The following ZNF704 variants were observed in gnomAD, a reference collection of about 807,000 sequenced individuals.
ZNF704 encodes zinc finger protein 704.
ZNF704 carries 10 observed loss-of-function variants against 44.7 expected under a neutral mutation model. That is an observed-to-expected ratio of 0.22 (90% CI 0.14 to 0.38). ZNF704 has a LOEUF of 0.38. ZNF704 is among the 10% of genes least tolerant of loss of function. The pLI is 1.00. For missense variants in ZNF704, 390 were observed against 545.5 expected, an observed-to-expected ratio of 0.71 and a Z score of 2.84; for synonymous variants, 211 against 207.6, an observed-to-expected ratio of 1.02 and a Z score of -0.14.
At chr8:80,865,483 C>T (rs888546506) in intron 1 of ZNF704, among the ~76,000 whole-genome samples, 1 of 152,132 alleles carries the variant, frequency 6.6e-6, no homozygotes, top group African/African-American at 2.4e-5. Flanking sequence ...CTCACTGATG[C>T]GCCAACAATG....
At chr8:80,664,621 T>C (rs550316551) in intron 6 of ZNF704, among the ~76,000 whole-genome samples, 194 bp downstream of exon 6, 19 of 152,208 alleles carry the variant, frequency 1.2e-4, no homozygotes, top group Admixed American at 2.0e-4. Flanking sequence ...ACAGGCAGCA[T>C]TGGGCAATCT....
chr8:80,768,406 G>T (rs932327807), intron 2 of ZNF704, among the ~76,000 whole-genome samples: 122 of 152,132 alleles, frequency 8.0e-4, no homozygotes, highest in African/African-American at 2.9e-3. Flanking sequence ...TTGGACACTG[G>T]CAAGTTACTG....
Position 80,639,417 on chromosome 8 carries a change from G to A in ZNF704, c.*1949C>T, listed in dbSNP as rs10755966. On this transcript the variant is annotated 3_prime_UTR_variant, in exon 9 of 9. Coordinates refer to ENST00000327835, the MANE Select transcript of ZNF704 (RefSeq NM_001033723.3). Reference sequence around the variant, plus strand: ...GTAGAGGAAACAAACACATTTCTGCGTTTAAAAAAATGCCATTTCCTGGCT... The same window carrying A: ...GTAGAGGAAACAAACACATTTCTGCATTTAAAAAAATGCCATTTCCTGGCT... 41,319 of 152,052 alleles carry A rather than the reference G, an allele frequency of 0.27. 6,951 individuals are homozygous for A. Among genetic ancestry groups the A allele is most frequent in the East Asian group, 0.39 (1,988 of 5,156 alleles). 9.4% of individuals were successfully genotyped at this position (152,052 alleles called of 1,614,324 possible).
At chr8:80,713,194 ATTGTT>A (rs1166462928) in intron 2 of ZNF704, among the ~76,000 whole-genome samples, 1 of 152,150 alleles carries the variant, frequency 6.6e-6, no homozygotes, top group East Asian at 1.9e-4. Flanking sequence ...CAATTCTTGA[ATTGTT>A]TTGTCACCCT....
At chr8:80,668,739 T>A (rs983015336) in intron 5 of ZNF704, among the ~76,000 whole-genome samples, 3 of 152,200 alleles carry the variant, frequency 2.0e-5, no homozygotes, top group Non-Finnish European at 4.4e-5. Context: ...CGGCATATTT[T>A]CTTCTGGCTT....
intron 2 of ZNF704, among the ~76,000 whole-genome samples, chr8:80,808,881 T>C (rs996387924): frequency 5.3e-5 from 8 of 152,252 alleles, no homozygotes; most frequent in African/African-American, 1.4e-4. Flanking sequence ...TTTTATTCAG[T>C]AGCCTTTGAT....
At chr8:80,819,683 G>C (rs1808236062) in intron 2 of ZNF704, among the ~76,000 whole-genome samples, 1 of 152,040 alleles carries the variant, frequency 6.6e-6, no homozygotes, top group African/African-American at 2.4e-5. Flanking sequence ...TCACAACCAT[G>C]CCACAGTAGA....
At chr8:80,661,103 A>C (rs1818095433) in intron 6 of ZNF704, among the ~76,000 whole-genome samples, 1 of 152,188 alleles carries the variant, frequency 6.6e-6, no homozygotes, top group African/African-American at 2.4e-5. Context: ...AATAGCAAAA[A>C]CCAAATAATT....
chr8:80,867,381 G>A (rs1282937003), intron 1 of ZNF704, among the ~76,000 whole-genome samples: 3 of 152,180 alleles, frequency 2.0e-5, no homozygotes, highest in Admixed American at 2.0e-4. Context: ...CTCTAAGGGA[G>A]TGAGCTGTAG....
At chr8:80,883,074 C>CAAAAAA in the ZNF704 span, among the ~76,000 whole-genome samples, 11 of 43,170 alleles carry the variant, frequency 2.5e-4, no homozygotes, top group African/African-American at 6.9e-4. Flanking sequence ...CCTGTCTCTA[C>CAAAAAA]AAAAAAAAAA....
chr8:80,770,870 A>G (rs1044201041), intron 2 of ZNF704, among the ~76,000 whole-genome samples: 3 of 152,166 alleles, frequency 2.0e-5, no homozygotes, highest in African/African-American at 7.2e-5. Flanking sequence ...TAATTTATGT[A>G]TAAGGTATGA....
intron 2 of ZNF704, among the ~76,000 whole-genome samples, chr8:80,745,726 A>G (rs985409706): frequency 3.9e-5 from 6 of 152,176 alleles, no homozygotes; most frequent in African/African-American, 1.4e-4. Flanking sequence ...AAGAACTTTC[A>G]TATCTTAAAA....
intron 7 of ZNF704, among the ~76,000 whole-genome samples, chr8:80,653,154 T>G (rs1310312958): frequency 6.6e-6 from 1 of 152,208 alleles, no homozygotes; most frequent in Non-Finnish European, 1.5e-5. Context: ...AATTAGGTAT[T>G]GATGGGACAT....
At chr8:80,846,624 T>G (rs373597311) in intron 1 of ZNF704, among the ~76,000 whole-genome samples, 15 of 152,180 alleles carry the variant, frequency 9.9e-5, no homozygotes, top group East Asian at 9.6e-4. Flanking sequence ...ACTGTTGAAG[T>G]GGTCATGTTT....
chr8:80,869,353 T>G (rs1395502690), intron 1 of ZNF704, among the ~76,000 whole-genome samples: 1 of 152,182 alleles, frequency 6.6e-6, no homozygotes, highest in African/African-American at 2.4e-5. Context: ...CCTAGTACAT[T>G]TGCTCTCAAT....
intron 7 of ZNF704, among the ~76,000 whole-genome samples, chr8:80,651,869 T>C (rs1215701364): frequency 1.3e-5 from 2 of 152,182 alleles, no homozygotes; most frequent in Non-Finnish European, 2.9e-5. Context: ...TATACATTCT[T>C]CTCAGCACCA....
At chr8:80,704,368 T>A (rs1818862020) in intron 2 of ZNF704, among the ~76,000 whole-genome samples, 1 of 152,202 alleles carries the variant, frequency 6.6e-6, no homozygotes, top group East Asian at 1.9e-4. Context: ...GCATGTTGAG[T>A]GCCTGTCATA....
intron 4 of ZNF704, among the ~76,000 whole-genome samples, chr8:80,679,084 CCTTGTAGAGCCT>C (rs1289361617): frequency 6.6e-6 from 1 of 152,068 alleles, no homozygotes; most frequent in Non-Finnish European, 1.5e-5. Flanking sequence ...GAAATTCCTC[CCTTGTAGAGCCT>C]CTTAAGGCTC....
intron 1 of ZNF704, 103 bp from the exon 2 acceptor site, chr8:80,821,718 T>G: frequency 3.7e-6 from 3 of 809,210 alleles, no homozygotes; most frequent in Non-Finnish European, 6.1e-6. Flanking sequence ...TCCTTCCTGT[T>G]CATCTGAAAG....
Sources: allele counts gnomAD v4.1 joint callset (sites outside exome capture counted in the v4.1 genomes callset), GRCh38; gene constraint gnomAD v4.1.1; transcripts MANE v1.5; gene names NCBI Gene and HGNC (gene_info 2026-07-23, HGNC 2026-07-21).